The following DCUN1D4 variants were observed in gnomAD, a reference collection of about 807,000 sequenced individuals.
DCUN1D4 encodes the protein DCN1-like protein 4.
DCUN1D4 carries 22 observed loss-of-function variants against 47.9 expected under a neutral mutation model. The observed-to-expected ratio is 0.46, with a 90% CI of 0.33 to 0.66. The LOEUF (loss-of-function observed/expected upper bound fraction) is 0.66, where lower values mean the gene tolerates loss of function less well. Ranked by LOEUF, DCUN1D4 falls within the 30% of genes least tolerant of loss-of-function variation. The pLI is 0.02. For missense variants in DCUN1D4, 301 were observed against 340.8 expected, an observed-to-expected ratio of 0.88 and a Z score of 0.92; for synonymous variants, 121 against 112.2, an observed-to-expected ratio of 1.08 and a Z score of -0.50.
At chr4:51,862,536 A>T (rs1295332511) in intron 1 of DCUN1D4, among the ~76,000 whole-genome samples, 17 of 152,202 alleles carry the variant, frequency 1.1e-4, no homozygotes. Flanking sequence ...GAATGGTATA[A>T]CTTGGAGAGT....
chr4:51,835,989 G>A, the DCUN1D4 span, among the ~76,000 whole-genome samples: 1,476 of 152,200 alleles, frequency 9.7e-3, 25 homozygotes, highest in Middle Eastern at 0.041. Context: ...TCCACAGCCT[G>A]AAACTGTTCA....
chr4:51,852,906 T>G (rs532392537), intron 1 of DCUN1D4, among the ~76,000 whole-genome samples: 5 of 152,228 alleles, frequency 3.3e-5, no homozygotes, highest in Non-Finnish European at 5.9e-5. Context: ...ATTGACATTC[T>G]TTAACCAAAA....
intron 5 of DCUN1D4, among the ~76,000 whole-genome samples, chr4:51,879,190 C>T (rs2110004285): frequency 6.6e-6 from 1 of 152,314 alleles, no homozygotes; most frequent in East Asian, 1.9e-4. Flanking sequence ...GGGGCATGGA[C>T]ACTAGTGCAA....
chr4:51,911,942 G>C (rs1043994266), intron 9 of DCUN1D4, among the ~76,000 whole-genome samples: 2 of 152,034 alleles, frequency 1.3e-5, no homozygotes, highest in African/African-American at 4.8e-5. Flanking sequence ...AGAAAATGCT[G>C]GGCCGTAAGA....
At chr4:51,848,402 T>C (rs1722881107) in intron 1 of DCUN1D4, 1 of 1,081,766 alleles carries the variant, frequency 9.2e-7, no homozygotes. Context: ...GTTTGTCCTT[T>C]TCCCTTCTTT....
At position 51,863,508 on chromosome 4, in the gene DCUN1D4, G is replaced by GT; in HGVS notation, c.96+2dup. On this transcript the variant is annotated splice_donor_variant, in intron 2 of 10. Transcript: ENST00000334635. LOFTEE classifies it high-confidence loss of function. ...GATCTACCACACCCTTAATAAGCTG[G>GT]TAAGTCATTCTTTTAAAGACAAAAT... is the stretch of plus-strand genomic sequence containing the variant. 6.2e-7 allele frequency: 1 copy of GT among 1,610,398 alleles called. No individual in the cohort carries two copies. Among genetic ancestry groups the GT allele is most frequent in the Non-Finnish European group, 8.5e-7 (1 of 1,177,566 alleles).
At chr4:51,844,848 C>G (rs564940935) in intron 1 of DCUN1D4, 2 of 985,158 alleles carry the variant, frequency 2.0e-6, no homozygotes, top group Non-Finnish European at 1.2e-6. Flanking sequence ...GGAAACGGGT[C>G]CCGGCATGCA....
chr4:51,845,295 G>C, intron 1 of DCUN1D4: 1 of 984,968 alleles, frequency 1.0e-6, no homozygotes, highest in Non-Finnish European at 1.2e-6. Context: ...GTATTTCTTG[G>C]GGTGTTTGAA....
chr4:51,879,467 TGTG>T (rs1728194426), intron 5 of DCUN1D4, among the ~76,000 whole-genome samples: 1 of 152,134 alleles, frequency 6.6e-6, no homozygotes, highest in Non-Finnish European at 1.5e-5. Context: ...ACTAGCCAGT[TGTG>T]GTGACATGCA....
At chr4:51,883,690 G>A (rs1175278014) in intron 5 of DCUN1D4, among the ~76,000 whole-genome samples, 1 of 152,164 alleles carries the variant, frequency 6.6e-6, no homozygotes, top group Non-Finnish European at 1.5e-5. Flanking sequence ...CACTTGGAAG[G>A]CCAAAGAGAA....
chr4:51,916,008 C>G lies in DCUN1D4; in HGVS notation c.*2424C>G, dbSNP rs928683529. 6.6e-6 allele frequency: 1 copy of G among 151,326 alleles called. No homozygotes were observed. Among genetic ancestry groups the G allele is most frequent in the African/African-American group, 2.4e-5 (1 of 41,126 alleles). The allele number at this position is 151,326 out of a possible 1,614,324, so 9.4% of individuals were successfully genotyped here. On this transcript the variant is annotated 3_prime_UTR_variant, in exon 11 of 11. Coordinates refer to ENST00000334635, the MANE Select transcript of DCUN1D4 (RefSeq NM_001040402.3). ...TCTAAGGGGAGAAAAAGGGGTCAGA[C>G]AGAGTAATATGATACATTTTCTTAA...
chr4:51,843,503 G>T (rs1247729731), intron 1 of DCUN1D4: 3 of 1,291,902 alleles, frequency 2.3e-6, no homozygotes, highest in Non-Finnish European at 2.9e-6. Flanking sequence ...GGTGAGGGGG[G>T]TGGGGACTGG....
At chr4:51,895,870 A>G (rs1203759985) in intron 7 of DCUN1D4, among the ~76,000 whole-genome samples, 3 of 152,168 alleles carry the variant, frequency 2.0e-5, no homozygotes, top group Admixed American at 6.5e-5. Context: ...TACATGGTAC[A>G]CAGAAACATG....
At chr4:51,855,960 A>AAATGTATCC (rs1382719354) in intron 1 of DCUN1D4, among the ~76,000 whole-genome samples, 8 of 152,118 alleles carry the variant, frequency 5.3e-5, no homozygotes, top group African/African-American at 1.9e-4. Flanking sequence ...TTCCCATATC[A>AAATGTATCC]CGTGGTACAA....
Position 51,911,100 on chromosome 4 carries a change from A to G in DCUN1D4, c.646A>G (p.Thr216Ala). The G allele has an allele frequency of 6.2e-7, 1 of 1,613,700 alleles. No individual in the cohort carries two copies. Among genetic ancestry groups the G allele is most frequent in the Non-Finnish European group, 8.5e-7 (1 of 1,179,808 alleles). Residue 216 changes from threonine (T) to alanine (A), a missense_variant, in exon 9 of 11, where the codon ACT (threonine) becomes GCT (alanine). Coordinates refer to ENST00000334635, the MANE Select transcript of DCUN1D4 (RefSeq NM_001040402.3). ...GGACCAGCGCAGCCTAGACATAAAC[A>G]CTGCCAAGTGCATGTTGGGACTGTT... ...EKDQRSLDIN[T>A]AKCMLGLLLG...
chr4:51,903,585 T>C (rs977048239), intron 8 of DCUN1D4, among the ~76,000 whole-genome samples: 6 of 152,188 alleles, frequency 3.9e-5, no homozygotes, highest in African/African-American at 7.2e-5. Flanking sequence ...AAATATTTTT[T>C]CTGTTCTGTC....
intron 8 of DCUN1D4, among the ~76,000 whole-genome samples, chr4:51,900,280 C>T (rs1194511332): frequency 6.6e-6 from 1 of 151,954 alleles, no homozygotes; most frequent in South Asian, 2.1e-4. Context: ...ATGCATCTTG[C>T]AATAACGTTC....
chr4:51,906,234 G>T (rs993663203), intron 8 of DCUN1D4, among the ~76,000 whole-genome samples: 2 of 152,120 alleles, frequency 1.3e-5, no homozygotes, highest in Non-Finnish European at 2.9e-5. Flanking sequence ...CTCTTCTCCA[G>T]TGTTTCTGAG....
upstream of DCUN1D4, chr4:51,843,130 G>T: frequency 6.7e-7 from 1 of 1,493,562 alleles, no homozygotes; most frequent in South Asian, 1.3e-5. Context: ...GGGCGGGCTG[G>T]GAGTGCCCGG....
Sources: allele counts gnomAD v4.1 joint callset (sites outside exome capture counted in the v4.1 genomes callset), GRCh38; gene constraint gnomAD v4.1.1; transcripts MANE v1.5; gene names NCBI Gene and HGNC (gene_info 2026-07-23, HGNC 2026-07-21).